Variants in TRIM4 observed in about 807,000 individuals in gnomAD.
TRIM4 encodes the protein E3 ubiquitin-protein ligase TRIM4.
In TRIM4, 29 loss-of-function variants were observed where a neutral mutation model predicts 33.7. The observed-to-expected ratio is 0.86, with a 90% CI of 0.64 to 1.17. TRIM4 has a LOEUF of 1.17. Ranked by LOEUF, TRIM4 falls within the 50% of genes most tolerant of loss-of-function variation. The probability of loss-of-function intolerance (pLI) is 0.00; values close to 1 mark genes in which losing one functional copy is unlikely to be tolerated. For missense variants in TRIM4, 554 were observed against 593.7 expected (o/e 0.93, Z 0.69); for synonymous variants, 224 against 233.0 (o/e 0.96, Z 0.35).
At chr7:99,900,926 T>C (rs988440979) in intron 5 of TRIM4, among the ~76,000 whole-genome samples, 6 of 128,042 alleles carry the variant, frequency 4.7e-5, no homozygotes, top group Admixed American at 3.8e-4. Context: ...TTTCTTCATA[T>C]TTCTCATACT....
At position 99,908,743 on chromosome 7, in the gene TRIM4, C is replaced by A; in HGVS notation, c.559G>T (p.Glu187Ter). The part of the protein sequence containing the change: ...FSKLHNFLVE[E>*]EDLFLQRLNK... ...AATCTCTGAAGAAACAGGTCCTCTT[C>A]TTCAACCAGGAAGTTGTGCAGCTTT... The change falls in exon 3 of 6, where the codon GAA becomes TAA. Residue 187 changes from glutamate to a stop codon, truncating the protein, a stop_gained. Coordinates refer to ENST00000349062, the MANE Select transcript of TRIM4 (RefSeq NM_033091.3). LOFTEE classifies it high-confidence loss of function. The A allele has an allele frequency of 6.2e-7, 1 of 1,614,208 alleles. No homozygotes were observed. The highest frequency in any genetic ancestry group is 8.5e-7 in the Non-Finnish European group (1 of 1,180,030).
intron 5 of TRIM4, among the ~76,000 whole-genome samples, chr7:99,898,097 A>G (rs1247879513): frequency 1.3e-5 from 2 of 152,198 alleles, no homozygotes; most frequent in African/African-American, 2.4e-5. Flanking sequence ...AGCCATGTCT[A>G]TATTTGGCAT....
chr7:99,912,304 G>T (rs1819463340), intron 1 of TRIM4, among the ~76,000 whole-genome samples: 1 of 152,176 alleles, frequency 6.6e-6, no homozygotes, highest in Non-Finnish European at 1.5e-5. Flanking sequence ...GCCAAGGCAG[G>T]TGGACAGCTT....
chr7:99,902,490 G>C (rs921903391), intron 5 of TRIM4, among the ~76,000 whole-genome samples: 3 of 151,984 alleles, frequency 2.0e-5, no homozygotes, highest in Non-Finnish European at 4.4e-5. Flanking sequence ...CAAATGATCC[G>C]CCTGCCTCGA....
intron 5 of TRIM4, 65 bp downstream of exon 5, chr7:99,903,153 T>G: frequency 7.9e-7 from 1 of 1,268,364 alleles, no homozygotes; most frequent in East Asian, 2.3e-5. Flanking sequence ...CTCTCCAGAC[T>G]TCTCTCTTTA....
chr7:99,903,473 T>C (rs575911770), intron 4 of TRIM4, 103 bp downstream of exon 4: 1 of 1,485,078 alleles, frequency 6.7e-7, no homozygotes, highest in African/African-American at 1.4e-5. Context: ...CCCATTAGGG[T>C]GTGCCCAGAC....
At chr7:99,911,527 T>C (rs1819442817) in intron 1 of TRIM4, among the ~76,000 whole-genome samples, 1 of 152,106 alleles carries the variant, frequency 6.6e-6, no homozygotes, top group African/African-American at 2.4e-5. Context: ...AAATAATCTG[T>C]ACAACTTTTT....
chr7:99,916,889 CATG>C (rs1819567099), intron 1 of TRIM4: 2 of 712,548 alleles, frequency 2.8e-6, no homozygotes, highest in South Asian at 1.6e-5. Context: ...CAAGATCCTT[CATG>C]ATAAGGCCCT....
At chr7:99,913,940 A>T (rs1865472) in intron 1 of TRIM4, among the ~76,000 whole-genome samples, 56,035 of 151,974 alleles carry the variant, frequency 0.37, 11,402 homozygotes, top group Non-Finnish European at 0.46. Context: ...GGCTTCCTTA[A>T]CTATAAAATG....
At chr7:99,907,737 G>A (rs1324770478) in intron 3 of TRIM4, among the ~76,000 whole-genome samples, 1 of 152,012 alleles carries the variant, frequency 6.6e-6, no homozygotes, top group Non-Finnish European at 1.5e-5. Flanking sequence ...GTGGGTCCAG[G>A]TTTCTGACTT....
intron 5 of TRIM4, among the ~76,000 whole-genome samples, chr7:99,900,282 C>CT (rs951640941): frequency 6.4e-4 from 97 of 151,998 alleles, no homozygotes; most frequent in Middle Eastern, 3.4e-3. Context: ...AAGGTCAAGC[C>CT]TTTTTTTTCT....
chr7:99,892,832 A>C lies in TRIM4; in HGVS notation c.842-86T>G. On this transcript the variant is annotated intron_variant, in intron 5 of 5. Coordinates refer to ENST00000349062, the MANE Select transcript of TRIM4 (RefSeq NM_033091.3). ...GCCCATCTTTTCCAGCATCAGTTTC[A>C]TCTTTCTCCTCCTAACAAACACTCA... The C allele has an allele frequency of 2.6e-6, 3 of 1,174,564 alleles. No individual in the cohort carries two copies. In the South Asian group the frequency reaches 4.5e-5, roughly 18 times the overall value. The allele number at this position is 1,174,564 out of a possible 1,614,324, so 72.8% of individuals were successfully genotyped here.
intron 5 of TRIM4, among the ~76,000 whole-genome samples, chr7:99,897,667 T>C (rs1482880509): frequency 6.6e-6 from 1 of 152,214 alleles, no homozygotes; most frequent in Non-Finnish European, 1.5e-5. Flanking sequence ...TTTTACATCC[T>C]ACTCCCCAAC....
At chr7:99,894,626 C>T (rs1818974264) in intron 5 of TRIM4, among the ~76,000 whole-genome samples, 1 of 151,552 alleles carries the variant, frequency 6.6e-6, no homozygotes, top group Admixed American at 6.6e-5. Context: ...GAGATTGCAC[C>T]ACTGCGCCCC....
At position 99,892,174 on chromosome 7, in the gene TRIM4, C is replaced by T. The variant is rs750679141; in HGVS notation, c.1414G>A (p.Asp472Asn). The change falls in exon 6 of 6, where the codon GAT becomes AAT. Residue 472 changes from aspartate (D) to asparagine (N), a missense_variant. Around this residue, in one of 3 missense-constraint regions of TRIM4, gnomAD observed 290 missense variants for 335.8 expected, o/e 0.86. Coordinates refer to ENST00000349062, the MANE Select transcript of TRIM4 (RefSeq NM_033091.3). ...GGGGAAGAAAAGCCTCATTTCCTAT[C>T]AGTCACTGGTGGAATGACTAAAGAT... ...LASLVIPPVT[D>N]RK 14 of 1,605,668 alleles carry T rather than the reference C, an allele frequency of 8.7e-6. No homozygotes were observed. Among genetic ancestry groups the T allele is most frequent in the Middle Eastern group, 1.7e-4 (1 of 6,040 alleles).
At chr7:99,904,151 T>C (rs1819241479) in intron 3 of TRIM4, among the ~76,000 whole-genome samples, 1 of 152,110 alleles carries the variant, frequency 6.6e-6, no homozygotes, top group South Asian at 2.1e-4. Context: ...CCTTAAGCCA[T>C]GAAATGAAAC....
chr7:99,902,124 GGTT>G (rs1563085052), intron 5 of TRIM4: 2 of 765,222 alleles, frequency 2.6e-6, no homozygotes, highest in Admixed American at 1.7e-5. Flanking sequence ...CTTTGAAAAC[GGTT>G]GTTTCACATA....
intron 5 of TRIM4, among the ~76,000 whole-genome samples, chr7:99,894,384 G>T (rs572342404): frequency 1.5e-4 from 23 of 152,222 alleles, no homozygotes; most frequent in Non-Finnish European, 2.8e-4. Context: ...ATCATCTGGG[G>T]ACCAGGCGCG....
At chr7:99,907,581 T>A (rs1819336711) in intron 3 of TRIM4, among the ~76,000 whole-genome samples, 1 of 152,264 alleles carries the variant, frequency 6.6e-6, no homozygotes, top group Admixed American at 6.5e-5. Context: ...GACACATATT[T>A]GGATATGTAC....
Sources: gnomAD v4.1 joint callset for allele counts (sites outside exome capture counted in the v4.1 genomes callset) on GRCh38, gnomAD v4.1.1 for gene constraint, gnomAD v4.1.1 regional missense constraint, MANE v1.5 for transcripts, NCBI Gene and HGNC (gene_info 2026-07-23, HGNC 2026-07-21) for gene names.